MYO10: variants seen among roughly 807,000 people sequenced by gnomAD.
MYO10 encodes myosin X.
A neutral mutation model predicts 257.3 loss-of-function variants in MYO10; 133 were observed. That is an observed-to-expected ratio of 0.52 (90% CI 0.45 to 0.60). MYO10 has a LOEUF of 0.60. Among genes scored for constraint, MYO10 ranks in the 20% least tolerant of loss-of-function variants. The probability of loss-of-function intolerance (pLI) is 0.00; values close to 1 mark genes in which losing one functional copy is unlikely to be tolerated. For missense variants in MYO10, 2,399 were observed against 2,635.7 expected (o/e 0.91, Z 1.97); for synonymous variants, 1,104 against 1,028.6 (o/e 1.07, Z -1.40).
chr5:16,685,565 T>C (rs1014249553), intron 29 of MYO10, among the ~76,000 whole-genome samples, 173 bp downstream of exon 29: 2 of 152,152 alleles, frequency 1.3e-5, no homozygotes, highest in Non-Finnish European at 2.9e-5. Context: ...ATATTTATTA[T>C]TGTATTGATT....
Position 16,742,667 on chromosome 5 carries a change from C to T in MYO10, c.1929+12161G>A, listed in dbSNP as rs114296610. Reference sequence around the variant, plus strand: ...AAATCTCATCAACACAAAAATTAGCCAGGCATGGTGGTGGGTGCCTCTAAT... The same window carrying T: ...AAATCTCATCAACACAAAAATTAGCTAGGCATGGTGGTGGGTGCCTCTAAT... On this transcript the variant is annotated intron_variant, in intron 19 of 40. Coordinates refer to ENST00000513610, the MANE Select transcript of MYO10 (RefSeq NM_012334.3). Among the ~76,000 whole-genome samples, 423 of 151,804 alleles carry T rather than the reference C, an allele frequency of 2.8e-3. 3 individuals carry two copies. The highest frequency in any genetic ancestry group is 9.5e-3 in the African/African-American group (393 of 41,380).
chr5:16,695,370 T>C (rs1737696792), intron 26 of MYO10, among the ~76,000 whole-genome samples: 1 of 152,142 alleles, frequency 6.6e-6, no homozygotes, highest in African/African-American at 2.4e-5. Context: ...CCTTCCATAT[T>C]TGGTCAATGT....
rs750084756 is a variant in MYO10, at chr5:16,701,521, C to G, written c.2874G>C (p.Glu958Asp). 6.2e-7 allele frequency: 1 copy of G among 1,613,882 alleles called. No homozygotes were observed. Among genetic ancestry groups the G allele is most frequent in the African/African-American group, 1.3e-5 (1 of 74,938 alleles). ...ATTCGCTTCCCACCGACAGGGACCGCTCGATATTCCGGACACACTCGTCGA... is the reference window on the plus strand; with the variant it reads ...ATTCGCTTCCCACCGACAGGGACCGGTCGATATTCCGGACACACTCGTCGA... Reference protein sequence around the residue: ...DEIDECVRNIERSLSVGSEFS... With the variant: ...DEIDECVRNIDRSLSVGSEFS... The change falls in exon 25 of 41, where the codon GAG becomes GAC. Residue 958 changes from glutamate (E) to aspartate (D), a missense_variant. Around this residue, in one of 3 missense-constraint regions of MYO10, gnomAD observed 1,820 missense variants for 1,939.4 expected, o/e 0.94. Transcript: ENST00000513610. The surrounding 1 kb of genome is among the most constrained non-coding windows in gnomAD (Gnocchi z 8.1).
intron 19 of MYO10, among the ~76,000 whole-genome samples, chr5:16,722,813 G>A (rs1166811594): frequency 6.6e-6 from 1 of 151,932 alleles, no homozygotes; most frequent in East Asian, 1.9e-4. Context: ...GTTCCCTTAA[G>A]GAAAAAATAG....
intron 39 of MYO10, 144 bp from the exon 40 acceptor site, chr5:16,668,612 G>A (rs1736290772): frequency 1.7e-6 from 1 of 584,786 alleles, no homozygotes. Flanking sequence ...GGAGGGGCCT[G>A]AAATATGAAA....
chr5:16,698,615 A>T (rs1345465407), intron 26 of MYO10, among the ~76,000 whole-genome samples: 2 of 133,844 alleles, frequency 1.5e-5, no homozygotes, highest in Non-Finnish European at 3.1e-5. Context: ...GGCAGGAGAG[A>T]ACATGCAGTT....
chr5:16,681,204 G>T (rs1199276884), intron 32 of MYO10, 105 bp downstream of exon 32: 8 of 1,230,084 alleles, frequency 6.5e-6, no homozygotes, highest in Admixed American at 2.7e-5. Context: ...CAACTTCTTT[G>T]GGGGGAAATA....
At chr5:16,709,413 T>C (rs1738492902) in intron 21 of MYO10, among the ~76,000 whole-genome samples, 1 of 152,166 alleles carries the variant, frequency 6.6e-6, no homozygotes, top group Admixed American at 6.5e-5. Context: ...GGTGACGGGA[T>C]ATCACTTCTG....
chr5:16,896,063 TC>T (rs1745210060), intron 1 of MYO10, among the ~76,000 whole-genome samples: 1 of 151,772 alleles, frequency 6.6e-6, no homozygotes, highest in South Asian at 2.1e-4. Context: ...AAAAATGGAG[TC>T]CTTCTCTCCT....
intron 11 of MYO10, among the ~76,000 whole-genome samples, chr5:16,764,777 C>T (rs940706673): frequency 6.6e-5 from 10 of 152,110 alleles, no homozygotes; most frequent in African/African-American, 2.2e-4. Flanking sequence ...CAACCTCCAC[C>T]TCCCAGGTTC....
chr5:16,770,871 C>T lies in MYO10; in HGVS notation c.931-1668G>A, dbSNP rs140283543. Among the ~76,000 whole-genome samples the T allele has an allele frequency of 1.6e-3, 240 of 152,278 alleles. 5 individuals carry two copies. In the East Asian group the frequency reaches 0.04, roughly 25 times the overall value. On this transcript the variant is annotated intron_variant, in intron 9 of 40. Transcript: ENST00000513610. ...GCACCCCGTGCCTCCCAGGTTCAAGCGATTCTCCTGCTTTAGCCTCCTAAG... is the reference window on the plus strand; with the variant it reads ...GCACCCCGTGCCTCCCAGGTTCAAGTGATTCTCCTGCTTTAGCCTCCTAAG...
At chr5:16,794,869 C>G in intron 3 of MYO10, 36 bp from the exon 4 acceptor site, 1 of 1,378,704 alleles carries the variant, frequency 7.3e-7, no homozygotes, top group Non-Finnish European at 9.5e-7. Context: ...TGCGTCACTT[C>G]TAACCCAGGC....
At chr5:16,772,729 C>A (rs1473362801) in intron 9 of MYO10, among the ~76,000 whole-genome samples, 1 of 152,158 alleles carries the variant, frequency 6.6e-6, no homozygotes, top group African/African-American at 2.4e-5. Flanking sequence ...AATGGATAAA[C>A]AAACTGCTGT....
At chr5:16,814,476 T>C (rs920459165) in intron 3 of MYO10, 4 of 152,170 alleles carry the variant, frequency 2.6e-5, no homozygotes, top group African/African-American at 7.2e-5. Flanking sequence ...GGTACACTTA[T>C]GGTAACTGGT....
intron 19 of MYO10, among the ~76,000 whole-genome samples, chr5:16,734,441 G>A (rs756494863): frequency 4.6e-5 from 7 of 152,150 alleles, no homozygotes; most frequent in South Asian, 2.1e-4. Flanking sequence ...GACAGATCAC[G>A]AGAAGAAACG....
At chr5:16,897,951 T>C (rs1432468092) in intron 1 of MYO10, among the ~76,000 whole-genome samples, 5 of 152,170 alleles carry the variant, frequency 3.3e-5, no homozygotes, top group Non-Finnish European at 7.3e-5. Flanking sequence ...ACCCTAATCA[T>C]CTCAAGAACC....
chr5:16,701,976 A>G lies in MYO10; in HGVS notation c.2557-138T>C. ...ATAAAGTCTATAGGTTGAAGTCCTA[A>G]CCCCAATACTGCAGAATGTGACTGC... is the stretch of plus-strand genomic sequence containing the variant. On this transcript the variant is annotated intron_variant, in intron 24 of 40. Coordinates refer to ENST00000513610, the MANE Select transcript of MYO10 (RefSeq NM_012334.3). The surrounding 1 kb of genome is among the most constrained non-coding windows in gnomAD (Gnocchi z 8.1). 1 of 960,754 alleles carries G rather than the reference A, an allele frequency of 1.0e-6. No individual in the cohort carries two copies. Among genetic ancestry groups the G allele is most frequent in the Non-Finnish European group, 1.5e-6 (1 of 666,832 alleles). 59.5% of individuals were successfully genotyped at this position (960,754 alleles called of 1,614,324 possible). A position where few individuals can be genotyped will look rare whatever the true frequency, so the allele number is the denominator to read the frequency against.
In MYO10 at chr5:16,685,798, C is replaced by T. The variant is rs549323675; in HGVS notation, c.3930G>A (p.Ala1310=). Residue 1310 remains alanine (A), a synonymous_variant, in exon 29 of 41, where the codon GCG becomes GCA. Coordinates refer to ENST00000513610, the MANE Select transcript of MYO10 (RefSeq NM_012334.3). ...QWFSVLSQVH[A]STDQEIQEMH... Reference sequence around the variant, plus strand: ...TCTCCTGGATCTCCTGGTCCGTGGACGCGTGGACCTGACTCAGCACGCTGA... The same window carrying T: ...TCTCCTGGATCTCCTGGTCCGTGGATGCGTGGACCTGACTCAGCACGCTGA... 1.1e-5 allele frequency: 18 copies of T among 1,603,180 alleles called. No individual in the cohort carries two copies. The highest frequency in any genetic ancestry group is 6.7e-5 in the East Asian group (3 of 44,544).
chr5:16,818,134 G>C lies in MYO10; in HGVS notation c.154C>G (p.Gln52Glu). The C allele has an allele frequency of 6.2e-7, 1 of 1,603,656 alleles. No individual in the cohort carries two copies. Among genetic ancestry groups the C allele is most frequent in the Non-Finnish European group, 8.5e-7 (1 of 1,172,454 alleles). ...FTYKQSTITH[Q>E]KVTAMHPTNE... ...GTGGGGTGCATAGCAGTCACCTTCT[G>C]GTGGGTAATTGTGCTCTGCTTGTAA... The change falls in exon 3 of 41, where the codon CAG (glutamine) becomes GAG (glutamate). Residue 52 changes from glutamine to glutamate, a missense_variant. By Grantham distance (29) the Gln-to-Glu change is conservative. Around this residue, in one of 3 missense-constraint regions of MYO10, gnomAD observed 242 missense variants for 249.5 expected, o/e 0.97. Transcript: ENST00000513610.
Sources: gnomAD v4.1 joint callset for allele counts (sites outside exome capture counted in the v4.1 genomes callset) on GRCh38, gnomAD v4.1.1 for gene constraint, gnomAD v4.1.1 regional missense constraint, Gnocchi (gnomAD v3.1) non-coding constraint, MANE v1.5 for transcripts, NCBI Gene and HGNC (gene_info 2026-07-23, HGNC 2026-07-21) for gene names.